The following SPATC1 variants were observed in gnomAD, a reference collection of about 807,000 sequenced individuals.
The protein encoded by SPATC1 is spermatogenesis and centriole associated 1, also known as speriolin.
In SPATC1, 35 loss-of-function variants were observed where a neutral mutation model predicts 36.5. That is an observed-to-expected ratio of 0.96 (90% confidence interval 0.73 to 1.27). SPATC1 has a LOEUF of 1.27. Ranked by LOEUF, SPATC1 falls within the 50% of genes most tolerant of loss-of-function variation. The pLI, the probability that SPATC1 is intolerant of heterozygous loss-of-function variation, is 0.00. For synonymous variants in SPATC1, 361 were observed against 353.6 expected, an observed-to-expected ratio of 1.02 and a Z score of -0.24; for missense variants, 779 against 796.0, an observed-to-expected ratio of 0.98 and a Z score of 0.26.
intron 1 of SPATC1, among the ~76,000 whole-genome samples, chr8:144,030,443 C>T (rs1452861656): frequency 6.6e-6 from 1 of 152,242 alleles, no homozygotes; most frequent in African/African-American, 2.4e-5. Context: ...ACTGCAGCCT[C>T]CGCCTCCTGG....
chr8:144,042,311 A>ATATTT (rs1412021347), intron 4 of SPATC1, among the ~76,000 whole-genome samples: 12 of 23,884 alleles, frequency 5.0e-4, no homozygotes, highest in East Asian at 4.0e-3. Context: ...ATATATATAT[A>ATATTT]TTTTTTTTTT....
At chr8:144,042,939 C>T (rs1215399576) in intron 4 of SPATC1, among the ~76,000 whole-genome samples, 4 of 151,502 alleles carry the variant, frequency 2.6e-5, no homozygotes. Context: ...GCCCTCCCAT[C>T]TCAGCCTCTC....
At position 144,016,894 on chromosome 8, in the gene SPATC1, C is replaced by T. The variant is rs186298363; in HGVS notation, c.211+4168C>T. Among the ~76,000 whole-genome samples, 18 of 152,324 alleles carry T rather than the reference C, an allele frequency of 1.2e-4. No homozygotes were observed. In the East Asian group the frequency reaches 3.1e-3, roughly 26 times the overall value. ...CTTCAGGTGATCCGCCCACCTTGGC[C>T]TCCCAAAGTGCTGGGAATACAGGCA... On this transcript the variant is annotated intron_variant, in intron 1 of 4. Transcript: ENST00000377470. The surrounding 1 kb of genome is among the most constrained non-coding windows in gnomAD (Gnocchi z 4.5).
intron 4 of SPATC1, among the ~76,000 whole-genome samples, chr8:144,042,935 C>T (rs1483493975): frequency 6.6e-6 from 1 of 151,874 alleles, no homozygotes; most frequent in Non-Finnish European, 1.5e-5. Flanking sequence ...AGTGGCCCTC[C>T]CATCTCAGCC....
At chr8:144,027,979 C>T (rs1345661813) in intron 1 of SPATC1, among the ~76,000 whole-genome samples, 4 of 151,368 alleles carry the variant, frequency 2.6e-5, no homozygotes, top group Admixed American at 6.6e-5. Context: ...GGTGACAGAG[C>T]GAGACTCTAT....
In SPATC1 at chr8:144,033,468, T is replaced by C. The variant is rs933566280; in HGVS notation, c.212-6441T>C. Among the ~76,000 whole-genome samples, 14 of 152,328 alleles carry C rather than the reference T, an allele frequency of 9.2e-5. No individual in the cohort carries two copies. The South Asian group carries it at 2.7e-3, about 29-fold the overall frequency. The stretch of plus-strand genomic sequence containing the variant: ...TTCCTCCCAAAATTTAGTAGCTTCC[T>C]CATTAAGCATTCCCCTGGTTATTGT... On this transcript the variant is annotated intron_variant, in intron 1 of 4. Transcript: ENST00000377470.
Position 144,047,052 on chromosome 8 carries a change from C to A in SPATC1, c.*96C>A, listed in dbSNP as rs553342370. On this transcript the variant is annotated 3_prime_UTR_variant, in exon 5 of 5. Transcript: ENST00000377470. This position sits in a 1 kb window ranked among gnomAD's most constrained non-coding sequence, Gnocchi z 4.1. The stretch of plus-strand genomic sequence containing the variant: ...ACACTGGTCGCTGGGCCTGTGCCAG[C>A]GCTCCTGGGTGGTGCTGCCTCCTCT... The A allele has an allele frequency of 2.8e-6, 4 of 1,436,356 alleles. No homozygotes were observed. Among genetic ancestry groups the A allele is most frequent in the South Asian group, 2.6e-5 (2 of 75,476 alleles). 89.0% of individuals were successfully genotyped at this position (1,436,356 alleles called of 1,614,324 possible).
rs575934699 is a variant in SPATC1 at position 144,046,703 on chromosome 8, T to C, written c.1523T>C (p.Met508Thr). The change falls in exon 5 of 5, where the codon ATG becomes ACG. Residue 508 changes from methionine to threonine, a missense_variant. By Grantham distance (81) the Met-to-Thr change is moderately conservative (BLOSUM62 -1). Coordinates refer to ENST00000377470, the MANE Select transcript of SPATC1 (RefSeq NM_198572.3). This position sits in a 1 kb window ranked among gnomAD's most constrained non-coding sequence, Gnocchi z 6.6. ...QRLTQRYVSV[M>T]NRLQSLGYNG... The stretch of plus-strand genomic sequence containing the variant: ...CTCACACAGCGCTATGTGAGCGTCA[T>C]GAACAGGCTGCAGAGTCTGGGCTAC... 6 of 1,612,512 alleles carry C rather than the reference T, an allele frequency of 3.7e-6. No individual in the cohort carries two copies. The highest frequency in any genetic ancestry group is 1.3e-5 in the African/African-American group (1 of 74,918).
chr8:144,013,284 A>G (rs1834316280), intron 1 of SPATC1, among the ~76,000 whole-genome samples: 1 of 151,916 alleles, frequency 6.6e-6, no homozygotes, highest in Non-Finnish European at 1.5e-5. Flanking sequence ...GGCTGCTCCC[A>G]GGCTCTGGGT....
At chr8:144,042,318 T>A (rs1488887665) in intron 4 of SPATC1, among the ~76,000 whole-genome samples, 57 of 112,142 alleles carry the variant, frequency 5.1e-4, no homozygotes, top group Admixed American at 2.7e-3. Context: ...TATATTTTTT[T>A]TTTTTTTTTT....
At chr8:144,042,145 G>C (rs974769410) in intron 4 of SPATC1, 41 of 394,598 alleles carry the variant, frequency 1.0e-4, no homozygotes, top group African/African-American at 9.0e-4. Context: ...AAACGATTCT[G>C]CTGCCCCAGC....
chr8:144,028,872 T>C (rs1167668853), intron 1 of SPATC1, among the ~76,000 whole-genome samples: 4 of 151,920 alleles, frequency 2.6e-5, no homozygotes, highest in South Asian at 2.1e-4. Flanking sequence ...TATTATGCCA[T>C]AAAAAGGGAT....
Position 144,045,378 on chromosome 8 carries a change from G to T in SPATC1, c.1447-1249G>T, listed in dbSNP as rs1039660714. Among the ~76,000 whole-genome samples, 2 of 152,182 alleles carry T rather than the reference G, an allele frequency of 1.3e-5. No individual in the cohort carries two copies. The highest frequency in any genetic ancestry group is 2.4e-5 in the African/African-American group (1 of 41,446). ...AGCAGAGGTTGACGTCACATTAACC[G>T]GGCCCGGTCCTGAGTCCAGCCCCAA... On this transcript the variant is annotated intron_variant, in intron 4 of 4. Coordinates refer to ENST00000377470, the MANE Select transcript of SPATC1 (RefSeq NM_198572.3). The surrounding 1 kb of genome is among the most constrained non-coding windows in gnomAD (Gnocchi z 5.2).
Position 144,041,075 on chromosome 8 carries a change from G to C in SPATC1, c.1274G>C (p.Arg425Pro), listed in dbSNP as rs143556115. Residue 425 changes from arginine (R) to proline (P), a missense_variant, in exon 3 of 5, where the codon CGC (arginine) becomes CCC (proline). By Grantham distance (103) the Arg-to-Pro change is moderately radical. Transcript: ENST00000377470. Reference protein sequence around the residue: ...MMEVERKLAHRKTSKFPENPR... With the variant: ...MMEVERKLAHPKTSKFPENPR... ...GAGGTGGAACGGAAGCTGGCCCACC[G>C]CAAGACCAGCAAGTTCCCCGAGAAC... 1.3e-6 allele frequency: 2 copies of C among 1,588,588 alleles called. No homozygotes were observed. The highest frequency in any genetic ancestry group is 2.2e-5 in the East Asian group (1 of 44,616).
chr8:144,016,853 G>A lies in SPATC1; in HGVS notation c.211+4127G>A, dbSNP rs1312333419. Among the ~76,000 whole-genome samples, 7 of 152,150 alleles carry A rather than the reference G, an allele frequency of 4.6e-5. No homozygotes were observed. Among genetic ancestry groups the A allele is most frequent in the South Asian group, 4.2e-4 (2 of 4,816 alleles). ...GGTTTCTCCATGTTGGTCTCATGTCGGCCTCAAACTCCCGACTTCAGGTGA... is the reference window on the plus strand; with the variant it reads ...GGTTTCTCCATGTTGGTCTCATGTCAGCCTCAAACTCCCGACTTCAGGTGA... On this transcript the variant is annotated intron_variant, in intron 1 of 4. Transcript: ENST00000377470. The surrounding 1 kb of genome is among the most constrained non-coding windows in gnomAD (Gnocchi z 4.5).
intron 4 of SPATC1, chr8:144,042,037 C>T: frequency 1.0e-6 from 1 of 982,310 alleles, no homozygotes; most frequent in South Asian, 4.7e-5. Flanking sequence ...AGCCATTACA[C>T]TCCAGCCTGG....
At chr8:144,011,546 G>T (rs377022391), upstream of SPATC1, among the ~76,000 whole-genome samples, 272 of 152,288 alleles carry the variant, frequency 1.8e-3, 4 homozygotes, top group Middle Eastern at 3.4e-3. The surrounding 1 kb of genome is among the most constrained non-coding windows in gnomAD (Gnocchi z 4.5). Context: ...AACAGCCACA[G>T]AGCCAATGGA....
chr8:144,026,492 T>C (rs1458438934), intron 1 of SPATC1, among the ~76,000 whole-genome samples: 1 of 152,206 alleles, frequency 6.6e-6, no homozygotes, highest in Non-Finnish European at 1.5e-5. Context: ...GGTCATATGG[T>C]AACTCTATGT....
chr8:144,018,969 G>C (rs1479246030), intron 1 of SPATC1, among the ~76,000 whole-genome samples: 5 of 149,448 alleles, frequency 3.3e-5, no homozygotes, highest in African/African-American at 1.2e-4. Flanking sequence ...ATGAACCCGG[G>C]AGGCAGAGCT....
Sources: gnomAD v4.1 joint callset for allele counts (sites outside exome capture counted in the v4.1 genomes callset) on GRCh38, gnomAD v4.1.1 for gene constraint, Gnocchi (gnomAD v3.1) non-coding constraint, MANE v1.5 for transcripts, NCBI Gene and HGNC (gene_info 2026-07-23, HGNC 2026-07-21) for gene names.